GABBR2: variants seen among roughly 807,000 people sequenced by gnomAD.
The protein encoded by GABBR2 is gamma-aminobutyric acid type B receptor subunit 2, also known as G-protein coupled receptor 51.
GABBR2 carries 23 observed loss-of-function variants against 105.6 expected under a neutral mutation model. The ratio of observed to expected loss-of-function variants is 0.22; its 90% CI spans 0.16 to 0.31. The LOEUF (loss-of-function observed/expected upper bound fraction) is 0.31, where lower values mean the gene tolerates loss of function less well. Ranked by LOEUF, GABBR2 falls within the 10% of genes least tolerant of loss-of-function variation. The pLI is 1.00. For synonymous variants in GABBR2, 478 were observed against 499.7 expected, an observed-to-expected ratio of 0.96 and a Z score of 0.58; for missense variants, 734 against 1,245.5, an observed-to-expected ratio of 0.59 and a Z score of 6.18.
At chr9:98,453,954 A>G (rs772979262) in intron 7 of GABBR2, 27 bp downstream of exon 7, 1 of 1,502,832 alleles carries the variant, frequency 6.7e-7, no homozygotes, top group East Asian at 2.3e-5. Flanking sequence ...AACACTAAGG[A>G]AAACAGCCCA....
At chr9:98,682,473 T>A in intron 1 of GABBR2, among the ~76,000 whole-genome samples, 1 of 144,960 alleles carries the variant, frequency 6.9e-6, no homozygotes, top group Non-Finnish European at 1.5e-5. Context: ...CCTCCTGGAT[T>A]CAAGCAATTC....
At chr9:98,600,242 C>A (rs988584907) in intron 1 of GABBR2, among the ~76,000 whole-genome samples, 1 of 152,180 alleles carries the variant, frequency 6.6e-6, no homozygotes, top group African/African-American at 2.4e-5. Flanking sequence ...AGATGACAGG[C>A]ATCAGGGCTG....
chr9:98,655,232 G>A (rs567456505), intron 1 of GABBR2, among the ~76,000 whole-genome samples: 4 of 152,298 alleles, frequency 2.6e-5, no homozygotes, highest in East Asian at 1.9e-4. Flanking sequence ...GACGTTGGGC[G>A]ATAAGAAAGT....
intron 13 of GABBR2, among the ~76,000 whole-genome samples, chr9:98,350,254 C>T (rs1037913673): frequency 6.8e-6 from 1 of 148,130 alleles, no homozygotes; most frequent in Non-Finnish European, 1.5e-5. Context: ...TAATCCTGCT[C>T]TGATATTTAT....
intron 1 of GABBR2, among the ~76,000 whole-genome samples, chr9:98,622,230 T>C (rs1829679567): frequency 6.6e-6 from 1 of 152,144 alleles, no homozygotes; most frequent in South Asian, 2.1e-4. Context: ...AGTGGTGTCA[T>C]CACAGTTCAT....
intron 7 of GABBR2, among the ~76,000 whole-genome samples, chr9:98,415,333 C>A (rs893783230): frequency 6.6e-6 from 1 of 152,110 alleles, no homozygotes; most frequent in African/African-American, 2.4e-5. Context: ...ATAGCAATAT[C>A]ATCAGCAATA....
intron 11 of GABBR2, among the ~76,000 whole-genome samples, chr9:98,380,141 A>G (rs543893331): frequency 6.6e-6 from 1 of 152,368 alleles, no homozygotes; most frequent in South Asian, 2.1e-4. Flanking sequence ...AGGTGGGGAC[A>G]GTGAACTTGG....
intron 7 of GABBR2, among the ~76,000 whole-genome samples, chr9:98,415,971 T>C (rs1387406311): frequency 1.3e-5 from 2 of 152,020 alleles, no homozygotes; most frequent in Non-Finnish European, 2.9e-5. Flanking sequence ...TGTGTGGGTG[T>C]AGTAGGAGTA....
chr9:98,697,392 G>A (rs919621439), intron 1 of GABBR2, among the ~76,000 whole-genome samples: 1 of 152,042 alleles, frequency 6.6e-6, no homozygotes, highest in Non-Finnish European at 1.5e-5. Context: ...TCGGAAGGCG[G>A]AGGCAGGAGA....
rs774652188 is a variant in GABBR2 at position 98,303,218 on chromosome 9, C to T, written c.2412+23G>A. ...GGCTTCAGTGGCAGACAGGGCCCAGCTACCAGATGCAGAGGGAGGTACCTC... is the reference window on the plus strand; with the variant it reads ...GGCTTCAGTGGCAGACAGGGCCCAGTTACCAGATGCAGAGGGAGGTACCTC... On this transcript the variant is annotated intron_variant, in intron 16 of 18. Coordinates refer to ENST00000259455, the MANE Select transcript of GABBR2 (RefSeq NM_005458.8). 6.2e-6 allele frequency: 10 copies of T among 1,605,962 alleles called. No homozygotes were observed. In the East Asian group the frequency reaches 2.2e-4, roughly 36 times the overall value.
intron 11 of GABBR2, among the ~76,000 whole-genome samples, chr9:98,375,480 C>T (rs1222759883): frequency 6.6e-6 from 1 of 152,150 alleles, no homozygotes; most frequent in African/African-American, 2.4e-5. Context: ...GGAGGCAGGG[C>T]CTGCTTTGCC....
intron 13 of GABBR2, among the ~76,000 whole-genome samples, chr9:98,339,018 C>T (rs1251779112): frequency 6.6e-6 from 1 of 152,110 alleles, no homozygotes; most frequent in Non-Finnish European, 1.5e-5. Flanking sequence ...AGAAGCCAGG[C>T]ACAAAAGTCC....
At chr9:98,373,396 A>G (rs555936329) in intron 11 of GABBR2, among the ~76,000 whole-genome samples, 10 of 152,350 alleles carry the variant, frequency 6.6e-5, no homozygotes, top group African/African-American at 2.4e-4. Flanking sequence ...GGCCCAGCGC[A>G]TTCAAGATAG....
chr9:98,480,623 A>G (rs1826898693), intron 5 of GABBR2, among the ~76,000 whole-genome samples: 1 of 152,178 alleles, frequency 6.6e-6, no homozygotes, highest in South Asian at 2.1e-4. Context: ...AGGGGGTCTG[A>G]GTCACTTCAG....
chr9:98,527,194 G>C (rs886827572), intron 3 of GABBR2, among the ~76,000 whole-genome samples: 1 of 151,090 alleles, frequency 6.6e-6, no homozygotes, highest in South Asian at 2.1e-4. Context: ...TGTGTTAGCT[G>C]TTTTAATACT....
chr9:98,606,867 C>T, intron 1 of GABBR2: 1 of 526,894 alleles, frequency 1.9e-6, no homozygotes. Flanking sequence ...GAGAAGCGTC[C>T]ACAGCAGCAC....
chr9:98,436,341 C>T (rs1248678381), intron 7 of GABBR2, among the ~76,000 whole-genome samples: 2 of 67,080 alleles, frequency 3.0e-5, no homozygotes, highest in East Asian at 1.9e-3. Context: ...TACACACACA[C>T]ACACACCATA....
At chr9:98,640,147 A>ATATATATATAT (rs1268859741) in intron 1 of GABBR2, among the ~76,000 whole-genome samples, 2 of 106,000 alleles carry the variant, frequency 1.9e-5, no homozygotes. Flanking sequence ...TATATATATA[A>ATATATATATAT]ACAATCTGAT....
chr9:98,415,533 G>A (rs79497779), intron 7 of GABBR2, among the ~76,000 whole-genome samples: 1 of 152,144 alleles, frequency 6.6e-6, no homozygotes, highest in Non-Finnish European at 1.5e-5. Context: ...GGGAAGCTGG[G>A]GCAAGCGCCT....
Sources: gnomAD v4.1 joint callset for allele counts (sites outside exome capture counted in the v4.1 genomes callset) on GRCh38, gnomAD v4.1.1 for gene constraint, MANE v1.5 for transcripts, NCBI Gene and HGNC (gene_info 2026-07-23, HGNC 2026-07-21) for gene names.